TAMM41: variants seen among roughly 807,000 people sequenced by gnomAD.
TAMM41 encodes the protein TAM41 mitochondrial translocator assembly and maintenance homolog, also known as phosphatidate cytidylyltransferase, mitochondrial.
TAMM41 carries 36 observed loss-of-function variants against 44.1 expected under a neutral mutation model. The observed-to-expected ratio is 0.82, with a 90% confidence interval of 0.63 to 1.08. The LOEUF (loss-of-function observed/expected upper bound fraction) is 1.08. TAMM41 is among the 50% of genes least tolerant of loss of function. The probability of loss-of-function intolerance (pLI) is 0.00; values close to 1 mark genes in which losing one functional copy is unlikely to be tolerated. For synonymous variants in TAMM41, 164 were observed against 153.1 expected, an observed-to-expected ratio of 1.07 and a Z score of -0.53; for missense variants, 417 against 404.3, an observed-to-expected ratio of 1.03 and a Z score of -0.27.
At chr3:11,739,911 C>A in the TAMM41 span, among the ~76,000 whole-genome samples, 1 of 152,108 alleles carries the variant, frequency 6.6e-6, no homozygotes, top group East Asian at 1.9e-4. Context: ...ACTGCAGAAT[C>A]CAGTGCCTGG....
At chr3:11,833,585 TGGACTCTGG>T (rs1388411289) in intron 3 of TAMM41, among the ~76,000 whole-genome samples, 1 of 152,248 alleles carries the variant, frequency 6.6e-6, no homozygotes, top group Non-Finnish European at 1.5e-5. Flanking sequence ...ATCTACCTGC[TGGACTCTGG>T]GCTCTTCGAG....
chr3:11,819,759 CA>C (rs1027016957), intron 4 of TAMM41, among the ~76,000 whole-genome samples: 3 of 150,864 alleles, frequency 2.0e-5, no homozygotes, highest in Non-Finnish European at 4.4e-5. Flanking sequence ...CATACCAAAA[CA>C]AAAAAAACTT....
intron 2 of TAMM41, among the ~76,000 whole-genome samples, chr3:11,839,700 T>C (rs1241924522): frequency 2.0e-5 from 3 of 152,172 alleles, no homozygotes; most frequent in Admixed American, 6.5e-5. Context: ...AGGATGATAA[T>C]AGTCCCTCCC....
At chr3:11,729,905 G>A in the TAMM41 span, among the ~76,000 whole-genome samples, 1 of 152,114 alleles carries the variant, frequency 6.6e-6, no homozygotes, top group South Asian at 2.1e-4. Flanking sequence ...TTAATGCAGT[G>A]TGATCCTATG....
intron 7 of TAMM41, among the ~76,000 whole-genome samples, chr3:11,805,492 G>A (rs1333360227): frequency 6.6e-6 from 1 of 151,684 alleles, no homozygotes. Flanking sequence ...GACTGGTCTT[G>A]AACTCTTGAG....
intron 7 of TAMM41, among the ~76,000 whole-genome samples, chr3:11,793,175 T>G (rs1201431887): frequency 6.6e-6 from 1 of 151,450 alleles, no homozygotes; most frequent in African/African-American, 2.4e-5. Flanking sequence ...GAGAATTCAG[T>G]AAGCAAAAGA....
At chr3:11,725,442 C>CCTTCTCCTCCTCCTA in the TAMM41 span, among the ~76,000 whole-genome samples, 1 of 141,370 alleles carries the variant, frequency 7.1e-6, no homozygotes, top group African/African-American at 2.8e-5. Context: ...TCCTCCTCCT[C>CCTTCTCCTCCTCCTA]CTCCTCCTCC....
At chr3:11,744,320 G>A in the TAMM41 span, among the ~76,000 whole-genome samples, 4 of 151,954 alleles carry the variant, frequency 2.6e-5, no homozygotes, top group South Asian at 2.1e-4. Flanking sequence ...CACCCATCTC[G>A]GCCTCCCAAA....
At chr3:11,744,716 A>G in the TAMM41 span, among the ~76,000 whole-genome samples, 1 of 151,954 alleles carries the variant, frequency 6.6e-6, no homozygotes, top group African/African-American at 2.4e-5. Flanking sequence ...AAAAGAAAAG[A>G]AACAGAAATA....
chr3:11,826,576 A>T lies in TAMM41; in HGVS notation c.562+3138T>A, dbSNP rs1317013860. On this transcript the variant is annotated intron_variant, in intron 4 of 7. Transcript: ENST00000455809. ...AAAGATGTTGGAAGCTATTATACGT[A>T]TTATCTCATTGATAATTTCTTTGTG... 3 of 150,114 alleles carry T rather than the reference A, an allele frequency of 2.0e-5. No individual in the cohort carries two copies. The South Asian group carries it at 6.4e-4, about 32-fold the overall frequency. 9.3% of individuals were successfully genotyped at this position (150,114 alleles called of 1,614,324 possible). A position where few individuals can be genotyped will look rare whatever the true frequency, so the allele number is the denominator to read the frequency against.
At chr3:11,831,391 A>C (rs1319229758) in intron 3 of TAMM41, among the ~76,000 whole-genome samples, 1 of 152,098 alleles carries the variant, frequency 6.6e-6, no homozygotes, top group Non-Finnish European at 1.5e-5. Context: ...GCCAATTTAC[A>C]CTCGTACCAT....
chr3:11,767,870 G>A, the TAMM41 span, among the ~76,000 whole-genome samples: 48 of 151,070 alleles, frequency 3.2e-4, no homozygotes, highest in African/African-American at 1.1e-3. Context: ...TGATCCGCCC[G>A]CCTCGGCCTC....
At chr3:11,779,678 T>G in the TAMM41 span, among the ~76,000 whole-genome samples, 2 of 152,144 alleles carry the variant, frequency 1.3e-5, no homozygotes, top group Non-Finnish European at 2.9e-5. Flanking sequence ...TCCTGAGAGA[T>G]CCTCATTCAC....
chr3:11,830,511 G>A (rs1175557410), intron 3 of TAMM41, among the ~76,000 whole-genome samples: 1 of 152,072 alleles, frequency 6.6e-6, no homozygotes, highest in Non-Finnish European at 1.5e-5. Flanking sequence ...CAACTGCTTC[G>A]CTCAGAAAGA....
chr3:11,815,657 G>C (rs1017122333), intron 5 of TAMM41, among the ~76,000 whole-genome samples: 2 of 152,106 alleles, frequency 1.3e-5, no homozygotes, highest in Non-Finnish European at 2.9e-5. Context: ...AAGGGGAAGA[G>C]AATGTGTGTG....
At chr3:11,815,819 C>T (rs1186864406) in intron 5 of TAMM41, among the ~76,000 whole-genome samples, 1 of 152,032 alleles carries the variant, frequency 6.6e-6, no homozygotes, top group Non-Finnish European at 1.5e-5. Context: ...TTATTTAGAA[C>T]ATGGAGGTGA....
chr3:11,825,121 T>C (rs899500062), intron 4 of TAMM41, among the ~76,000 whole-genome samples: 8 of 152,188 alleles, frequency 5.3e-5, no homozygotes, highest in African/African-American at 1.9e-4. Context: ...GTTCAAATGC[T>C]AGCTCGGCAT....
chr3:11,734,999 A>G, the TAMM41 span, among the ~76,000 whole-genome samples: 3 of 151,708 alleles, frequency 2.0e-5, no homozygotes, highest in African/African-American at 4.8e-5. Context: ...CAGTGAGCCA[A>G]AATCACGCCA....
At chr3:11,800,197 A>C (rs964705422) in intron 7 of TAMM41, among the ~76,000 whole-genome samples, 7 of 152,218 alleles carry the variant, frequency 4.6e-5, no homozygotes, top group Non-Finnish European at 8.8e-5. Flanking sequence ...AAAAGAAAGA[A>C]ATCAAATTAC....
Sources: allele counts gnomAD v4.1 joint callset (sites outside exome capture counted in the v4.1 genomes callset), GRCh38; gene constraint gnomAD v4.1.1; transcripts MANE v1.5; gene names NCBI Gene and HGNC (gene_info 2026-07-23, HGNC 2026-07-21).